The following CNTFR variants were observed in gnomAD, a reference collection of about 807,000 sequenced individuals.
CNTFR encodes the protein ciliary neurotrophic factor receptor subunit alpha.
CNTFR carries 12 observed loss-of-function variants against 40.4 expected under a neutral mutation model. That is an observed-to-expected ratio of 0.30 (90% CI 0.19 to 0.48). The LOEUF (loss-of-function observed/expected upper bound fraction) is 0.48. CNTFR is among the 20% of genes least tolerant of loss of function. The pLI, the probability that CNTFR is intolerant of heterozygous loss-of-function variation, is 0.99. For missense variants in CNTFR, 414 were observed against 506.8 expected, an observed-to-expected ratio of 0.82 and a Z score of 1.76; for synonymous variants, 202 against 209.6, an observed-to-expected ratio of 0.96 and a Z score of 0.31.
Position 34,557,533 on chromosome 9 carries a change from G to T in CNTFR, c.597C>A (p.Phe199Leu). 1 of 1,613,802 alleles carries T rather than the reference G, an allele frequency of 6.2e-7. No individual in the cohort carries two copies. Among genetic ancestry groups the T allele is most frequent in the Non-Finnish European group, 8.5e-7 (1 of 1,179,708 alleles). The change falls in exon 6 of 10, where the codon TTC becomes TTA. Residue 199 changes from phenylalanine (F) to leucine (L), a missense_variant. Transcript: ENST00000378980. The surrounding 1 kb of genome is among the most constrained non-coding windows in gnomAD (Gnocchi z 4.2). ...HNATAITFDEFTIVKPDPPEN... is the reference protein window; with the variant it reads ...HNATAITFDELTIVKPDPPEN... ...CCCAACCGCCACACGTACCAATGGTGAACTCGTCAAAGGTGATAGCTGTGG... is the reference window on the plus strand; with the variant it reads ...CCCAACCGCCACACGTACCAATGGTTAACTCGTCAAAGGTGATAGCTGTGG...
intron 2 of CNTFR, among the ~76,000 whole-genome samples, chr9:34,578,356 CAGG>C (rs1181970621): frequency 2.6e-5 from 4 of 152,160 alleles, no homozygotes; most frequent in Non-Finnish European, 5.9e-5. Flanking sequence ...TTGTCTGAGT[CAGG>C]AGGAGATGTG....
chr9:34,586,738 A>G (rs936674485), intron 1 of CNTFR, among the ~76,000 whole-genome samples: 2 of 152,226 alleles, frequency 1.3e-5, no homozygotes, highest in East Asian at 1.9e-4. Flanking sequence ...TCCTTATGGA[A>G]GGAAAGCAGC....
At chr9:34,575,060 G>A (rs1357088740) in intron 2 of CNTFR, among the ~76,000 whole-genome samples, 4 of 152,210 alleles carry the variant, frequency 2.6e-5, no homozygotes, top group Admixed American at 2.6e-4. Context: ...AGATGCAGAA[G>A]GCCTGGGCTT....
intron 7 of CNTFR, among the ~76,000 whole-genome samples, chr9:34,555,799 C>T (rs1292807099): frequency 2.0e-5 from 3 of 152,016 alleles, no homozygotes; most frequent in African/African-American, 7.3e-5. Flanking sequence ...CCAGCACAAG[C>T]CCAGAGCCTG....
At chr9:34,579,094 C>T (rs577507922) in intron 2 of CNTFR, among the ~76,000 whole-genome samples, 3 of 152,302 alleles carry the variant, frequency 2.0e-5, no homozygotes, top group Non-Finnish European at 2.9e-5. Flanking sequence ...AATGCACATC[C>T]GCATGGGGTC....
chr9:34,570,792 T>C (rs936571000), intron 2 of CNTFR, among the ~76,000 whole-genome samples: 1 of 151,932 alleles, frequency 6.6e-6, no homozygotes, highest in Non-Finnish European at 1.5e-5. Flanking sequence ...AGTGCAGACA[T>C]AGCATAACAG....
In CNTFR at chr9:34,552,524, AC is replaced by A; in HGVS notation, c.949+149del. 1 of 1,025,378 alleles carries A rather than the reference AC, an allele frequency of 9.8e-7. No individual in the cohort carries two copies. Among genetic ancestry groups the A allele is most frequent in the Non-Finnish European group, 1.4e-6 (1 of 719,382 alleles). The allele number at this position is 1,025,378 out of a possible 1,614,324, so 63.5% of individuals were successfully genotyped here. ...TACCAAGGATGTCCAGATAGCAAGG[AC>A]CAGGAATGGCAGGAGTTGGACAGAC... On this transcript the variant is annotated intron_variant, in intron 8 of 9. Transcript: ENST00000378980. This position sits in a 1 kb window ranked among gnomAD's most constrained non-coding sequence, Gnocchi z 5.1.
chr9:34,585,516 C>T (rs1268795897), intron 1 of CNTFR, among the ~76,000 whole-genome samples: 2 of 152,306 alleles, frequency 1.3e-5, no homozygotes, highest in Middle Eastern at 3.4e-3. Context: ...TCTTCCTCAA[C>T]GCCTGCTCCA....
In CNTFR at chr9:34,566,015, G is replaced by C. The variant is rs1314094163; in HGVS notation, c.86-1183C>G. Among the ~76,000 whole-genome samples, 3 of 152,130 alleles carry C rather than the reference G, an allele frequency of 2.0e-5. No individual in the cohort carries two copies. The East Asian group carries it at 5.8e-4, about 29-fold the overall frequency. On this transcript the variant is annotated intron_variant, in intron 3 of 9. Coordinates refer to ENST00000378980, the MANE Select transcript of CNTFR (RefSeq NM_147164.3). ...CTCCCCTCCAGAGAGCCACCCTGCT[G>C]AGTTGGGGGATTTTTAGAGGCAATT...
At chr9:34,567,650 G>A (rs562235135) in intron 3 of CNTFR, among the ~76,000 whole-genome samples, 3 of 152,250 alleles carry the variant, frequency 2.0e-5, no homozygotes, top group South Asian at 2.1e-4. Context: ...GAGAAACAGA[G>A]AGACACAATT....
intron 2 of CNTFR, among the ~76,000 whole-genome samples, chr9:34,571,801 G>C (rs1315158568): frequency 6.6e-6 from 1 of 152,080 alleles, no homozygotes; most frequent in African/African-American, 2.4e-5. Context: ...TCAGGGAGGA[G>C]AGACAAGAGG....
intron 2 of CNTFR, among the ~76,000 whole-genome samples, chr9:34,575,843 C>T (rs376894717): frequency 1.3e-5 from 2 of 152,188 alleles, no homozygotes; most frequent in Non-Finnish European, 2.9e-5. Context: ...CTCTCTGCCC[C>T]CTAACGTGCA....
At chr9:34,566,873 T>C (rs1312916287) in intron 3 of CNTFR, among the ~76,000 whole-genome samples, 1 of 151,846 alleles carries the variant, frequency 6.6e-6, no homozygotes, top group Non-Finnish European at 1.5e-5. Flanking sequence ...ACAAAAAAAG[T>C]AGAAACGCAA....
chr9:34,556,935 C>A (rs3901677), intron 6 of CNTFR, among the ~76,000 whole-genome samples: 149,257 of 152,200 alleles, frequency 0.98, 73,258 homozygotes, highest in East Asian at 1. Context: ...ATCTGATGAG[C>A]GCGCCTAAGG....
rs1825632882 is a variant in CNTFR, at chr9:34,551,787, G to T, written c.*284C>A. 3 of 590,170 alleles carry T rather than the reference G, an allele frequency of 5.1e-6. No homozygotes were observed. Among genetic ancestry groups the T allele is most frequent in the Non-Finnish European group, 9.1e-6 (3 of 330,926 alleles). 36.6% of individuals were successfully genotyped at this position (590,170 alleles called of 1,614,324 possible). A position where few individuals can be genotyped will look rare whatever the true frequency, so the allele number is the denominator to read the frequency against. On this transcript the variant is annotated 3_prime_UTR_variant, in exon 10 of 10. Transcript: ENST00000378980. ...CGTCCCCCAAGGGCTCCTGGGAGTC[G>T]CTGGCATTGGAGGGTCCAGCCCAAG...
chr9:34,563,433 G>A (rs1430117746), intron 4 of CNTFR, among the ~76,000 whole-genome samples: 1 of 152,220 alleles, frequency 6.6e-6, no homozygotes, highest in Non-Finnish European at 1.5e-5. Context: ...TTCTGCATCT[G>A]CACCTTCGGT....
At chr9:34,567,437 AAAG>A (rs1472554876) in intron 3 of CNTFR, among the ~76,000 whole-genome samples, 4 of 152,170 alleles carry the variant, frequency 2.6e-5, no homozygotes, top group Non-Finnish European at 5.9e-5. Flanking sequence ...AGTCACCCCT[AAAG>A]AAGAAGGACA....
intron 4 of CNTFR, among the ~76,000 whole-genome samples, chr9:34,558,584 G>A (rs1190898772): frequency 2.0e-5 from 3 of 152,200 alleles, no homozygotes; most frequent in African/African-American, 7.2e-5. Context: ...TATGTGACAT[G>A]AATGAGTGAC....
rs1050542806 is a variant in CNTFR at position 34,557,106 on chromosome 9, G to A, written c.604+420C>T. On this transcript the variant is annotated intron_variant, in intron 6 of 9. Transcript: ENST00000378980. The surrounding 1 kb of genome is among the most constrained non-coding windows in gnomAD (Gnocchi z 4.2). ...TAGAGGGTCTGGCTGGGATGGGGGG[G>A]GTCAGGGGGAGGGCAGTATCTGTCC... 1.3e-5 allele frequency among the ~76,000 whole-genome samples: 2 copies of A among 150,894 alleles called. No individual in the cohort carries two copies. Among genetic ancestry groups the A allele is most frequent in the Admixed American group, 6.6e-5 (1 of 15,144 alleles).
Sources: allele counts gnomAD v4.1 joint callset (sites outside exome capture counted in the v4.1 genomes callset), GRCh38; gene constraint gnomAD v4.1.1; non-coding constraint Gnocchi (gnomAD v3.1); transcripts MANE v1.5; gene names NCBI Gene and HGNC (gene_info 2026-07-23, HGNC 2026-07-21).